TMBIM6: variants seen among roughly 807,000 people sequenced by gnomAD.
TMBIM6 encodes the protein transmembrane BAX inhibitor motif containing 6.
Under a neutral mutation model 31.4 loss-of-function variants are expected in TMBIM6, and 13 were observed. The ratio of observed to expected loss-of-function variants is 0.41; its 90% CI spans 0.27 to 0.66. TMBIM6 has a LOEUF of 0.66. Among genes scored for constraint, TMBIM6 ranks in the 30% least tolerant of loss-of-function variants. TMBIM6 has a pLI of 0.28. For missense variants in TMBIM6, 275 were observed against 289.5 expected (o/e 0.95, Z 0.36); for synonymous variants, 85 against 101.7 (o/e 0.84, Z 0.99).
intron 1 of TMBIM6, among the ~76,000 whole-genome samples, chr12:49,751,758 ATTTT>A (rs58141027): frequency 3.7e-5 from 4 of 108,572 alleles, no homozygotes; most frequent in African/African-American, 1.7e-4. Flanking sequence ...TAGTGAGATA[ATTTT>A]TTTTTTTTTT....
At chr12:49,759,350 C>A in intron 8 of TMBIM6, 29 bp downstream of exon 8, 1 of 1,580,420 alleles carries the variant, frequency 6.3e-7, no homozygotes, top group Non-Finnish European at 8.7e-7. Flanking sequence ...CTTTAACAAG[C>A]ATGAAGGTTG....
Position 49,758,719 on chromosome 12 carries a change from C to A in TMBIM6, c.470C>A (p.Ser157Tyr). 1 of 1,613,910 alleles carries A rather than the reference C, an allele frequency of 6.2e-7. No individual in the cohort carries two copies. Among genetic ancestry groups the A allele is most frequent in the Non-Finnish European group, 8.5e-7 (1 of 1,180,022 alleles). Residue 157 changes from serine (S) to tyrosine (Y), a missense_variant, in exon 7 of 10, where the codon TCT (serine) becomes TAT (tyrosine). Ser to Tyr is a moderately radical substitution (Grantham distance 144). Transcript: ENST00000267115. ...TCAGCCCTGAGCTTGTTGCTTTTGT[C>A]TTCCCTGGGGAATGTTTTCTTTGGA... is the stretch of plus-strand genomic sequence containing the variant. ...LMSALSLLLLSSLGNVFFGSI... is the reference protein window; with the variant it reads ...LMSALSLLLLYSLGNVFFGSI...
chr12:49,758,962 T>C (rs1945661184), intron 7 of TMBIM6, 200 bp downstream of exon 7: 1 of 640,742 alleles, frequency 1.6e-6, no homozygotes, highest in African/African-American at 1.8e-5. Context: ...GAAAATGGTT[T>C]GCTCAGACAC....
intron 2 of TMBIM6, 101 bp from the exon 3 acceptor site, chr12:49,752,872 T>A: frequency 1.8e-6 from 2 of 1,130,240 alleles, no homozygotes; most frequent in Non-Finnish European, 2.6e-6. Flanking sequence ...GTAACAGAAC[T>A]TTTACATATT....
chr12:49,751,160 A>G (rs764456008), intron 1 of TMBIM6, among the ~76,000 whole-genome samples: 11 of 152,196 alleles, frequency 7.2e-5, no homozygotes, highest in Non-Finnish European at 1.5e-5. Flanking sequence ...ACTTGACTTT[A>G]TGGTGTTGAT....
chr12:49,753,066 C>A lies in TMBIM6; in HGVS notation c.150C>A (p.Val50=). 6.2e-7 allele frequency: 1 copy of A among 1,613,522 alleles called. No individual in the cohort carries two copies. Among genetic ancestry groups the A allele is most frequent in the South Asian group, 1.1e-5 (1 of 90,934 alleles). The change falls in exon 3 of 10, where the codon GTC becomes GTA. Residue 50 remains valine (V), a synonymous_variant. Transcript: ENST00000267115. ...VAAAGAYVHM[V]THFIQAGLLS... The stretch of plus-strand genomic sequence containing the variant: ...CTGCAGGGGCCTATGTCCATATGGT[C>A]ACTCATTTCATTCAGGTAAGAACGA...
chr12:49,758,471 T>C lies in TMBIM6; in HGVS notation c.424T>C (p.Phe142Leu). The change falls in exon 6 of 10, where the codon TTT (phenylalanine) becomes CTT (leucine). Residue 142 changes from phenylalanine to leucine, a missense_variant. Transcript: ENST00000267115. ...CTATGCCAGGCGCCGTAGCTACCTC[T>C]TTCTGGGAGGTAAGTGTGAACTGGG... ...ALYARRRSYLFLGGILMSALS... is the reference protein window; with the variant it reads ...ALYARRRSYLLLGGILMSALS... 6.2e-7 allele frequency: 1 copy of C among 1,614,046 alleles called. No homozygotes were observed. Among genetic ancestry groups the C allele is most frequent in the Non-Finnish European group, 8.5e-7 (1 of 1,179,906 alleles).
intron 1 of TMBIM6, among the ~76,000 whole-genome samples, chr12:49,748,145 G>T (rs1190953374): frequency 6.6e-6 from 1 of 151,896 alleles, no homozygotes; most frequent in Non-Finnish European, 1.5e-5. Flanking sequence ...CTCATGATCT[G>T]CTTGCCTTTG....
At chr12:49,762,205 G>A (rs1328868103) in intron 9 of TMBIM6, 1 of 167,272 alleles carries the variant, frequency 6.0e-6, no homozygotes, top group Non-Finnish European at 1.3e-5. Flanking sequence ...CAAGCAGTGG[G>A]GGAAACAAAT....
At chr12:49,761,870 C>G (rs1228268296) in intron 9 of TMBIM6, 91 bp downstream of exon 9, 1 of 1,241,996 alleles carries the variant, frequency 8.1e-7, no homozygotes, top group African/African-American at 1.5e-5. Flanking sequence ...TGCTCACACA[C>G]TGTGTTAGGT....
At chr12:49,749,576 G>A (rs61941193) in intron 1 of TMBIM6, 2,178 of 152,228 alleles carry the variant, frequency 0.014, 29 homozygotes, top group Non-Finnish European at 0.018. Context: ...GGGACTACAG[G>A]GGCGTGCCTC....
chr12:49,745,735 A>AAAAAACAAAAAC (rs375099364), intron 1 of TMBIM6, among the ~76,000 whole-genome samples: 1 of 150,506 alleles, frequency 6.6e-6, no homozygotes, highest in African/African-American at 2.5e-5. Context: ...AAAAAAAAAA[A>AAAAAACAAAAAC]CCCAGCACAT....
At chr12:49,750,232 C>T (rs772018808) in intron 1 of TMBIM6, among the ~76,000 whole-genome samples, 6 of 152,138 alleles carry the variant, frequency 3.9e-5, no homozygotes, top group African/African-American at 7.2e-5. Flanking sequence ...GAACAGATTC[C>T]GCCAAGCAGG....
rs759373952 is a variant in TMBIM6 at position 49,763,554 on chromosome 12, C to CGAA, written c.*658_*659insGAA. On this transcript the variant is annotated 3_prime_UTR_variant, in exon 10 of 10. Coordinates refer to ENST00000267115, the MANE Select transcript of TMBIM6 (RefSeq NM_003217.3). ...GACCCTCAGGGAGTCAGCCTGCTTCCATCCATGGGTGGGAAGACTTCAGCA... is the reference window on the plus strand; with the variant it reads ...GACCCTCAGGGAGTCAGCCTGCTTCCGAAATCCATGGGTGGGAAGACTTCAGCA... 1 of 152,304 alleles carries CGAA rather than the reference C, an allele frequency of 6.6e-6. No individual in the cohort carries two copies. The highest frequency in any genetic ancestry group is 1.5e-5 in the Non-Finnish European group (1 of 68,072). The allele number at this position is 152,304 out of a possible 1,614,324, so 9.4% of individuals were successfully genotyped here. A position where few individuals can be genotyped will look rare whatever the true frequency, so the allele number is the denominator to read the frequency against.
chr12:49,762,914 T>A lies in TMBIM6; in HGVS notation c.*18T>A, dbSNP rs1418020351. 6.2e-7 allele frequency: 1 copy of A among 1,611,484 alleles called. No homozygotes were observed. Among genetic ancestry groups the A allele is most frequent in the Admixed American group, 1.7e-5 (1 of 60,010 alleles). On this transcript the variant is annotated 3_prime_UTR_variant, in exon 10 of 10. Coordinates refer to ENST00000267115, the MANE Select transcript of TMBIM6 (RefSeq NM_003217.3). ...AGAAATGAAGTGACCATCCAGCCTT[T>A]CCCAATTAGACTTCCTCTCCTTCCA...
intron 8 of TMBIM6, among the ~76,000 whole-genome samples, chr12:49,760,497 G>A (rs747712564): frequency 4.2e-5 from 6 of 143,682 alleles, no homozygotes; most frequent in Non-Finnish European, 9.1e-5. Flanking sequence ...TTCCCAAAGT[G>A]TTGGGATTAC....
chr12:49,752,600 CT>C, intron 2 of TMBIM6, 51 bp downstream of exon 2: 1 of 1,422,622 alleles, frequency 7.0e-7, no homozygotes, highest in Non-Finnish European at 9.9e-7. Context: ...TTTCATATCT[CT>C]TTGTCCCTTT....
intron 1 of TMBIM6, among the ~76,000 whole-genome samples, chr12:49,748,312 A>G (rs1945434462): frequency 6.6e-6 from 1 of 152,176 alleles, no homozygotes; most frequent in Non-Finnish European, 1.5e-5. Context: ...AAAACAAGGC[A>G]TTTAACATGA....
intron 1 of TMBIM6, among the ~76,000 whole-genome samples, 190 bp from the exon 2 acceptor site, chr12:49,752,274 C>T (rs1455286697): frequency 6.6e-6 from 1 of 152,014 alleles, no homozygotes; most frequent in Non-Finnish European, 1.5e-5. Context: ...CCTCTGTCGT[C>T]TTTAAGATGG....
Sources: gnomAD v4.1 joint callset for allele counts (sites outside exome capture counted in the v4.1 genomes callset) on GRCh38, gnomAD v4.1.1 for gene constraint, MANE v1.5 for transcripts, NCBI Gene and HGNC (gene_info 2026-07-23, HGNC 2026-07-21) for gene names.